Variants in KIAA2012 observed in about 807,000 individuals in gnomAD.
KIAA2012 encodes the protein uncharacterized protein KIAA2012.
A neutral mutation model predicts 150.6 loss-of-function variants in KIAA2012; 125 were observed. The observed-to-expected ratio is 0.83, with a 90% confidence interval of 0.72 to 0.96. The LOEUF is 0.96. Ranked by LOEUF, KIAA2012 falls within the 40% of genes least tolerant of loss-of-function variation. The pLI is 0.00. For missense variants in KIAA2012, 1,219 were observed against 1,354.9 expected (o/e 0.90, Z 1.57); for synonymous variants, 462 against 504.7 (o/e 0.92, Z 1.13).
intron 13 of KIAA2012, among the ~76,000 whole-genome samples, chr2:202,148,125 G>T (rs1691338668): frequency 6.6e-6 from 1 of 152,148 alleles, no homozygotes; most frequent in Non-Finnish European, 1.5e-5. Context: ...TATAGTAGAA[G>T]CTCTGGAATG....
intron 9 of KIAA2012, among the ~76,000 whole-genome samples, chr2:202,106,665 T>C: frequency 6.6e-6 from 1 of 151,962 alleles, no homozygotes; most frequent in African/African-American, 2.4e-5. Flanking sequence ...CCAGCCTGGG[T>C]GACAGAGCAA....
At chr2:202,127,085 G>A (rs1357690284) in intron 12 of KIAA2012, among the ~76,000 whole-genome samples, 1 of 149,782 alleles carries the variant, frequency 6.7e-6, no homozygotes, top group Non-Finnish European at 1.5e-5. Context: ...AACTTCTAGA[G>A]ATATCATAGG....
intron 5 of KIAA2012, among the ~76,000 whole-genome samples, chr2:202,098,828 G>A (rs991017738): frequency 1.3e-4 from 19 of 145,824 alleles, no homozygotes; most frequent in South Asian, 4.3e-4. Flanking sequence ...GTGCACGCGC[G>A]CGCGCGCGCA....
intron 15 of KIAA2012, among the ~76,000 whole-genome samples, chr2:202,173,861 A>T (rs2105731457): frequency 6.6e-6 from 1 of 152,340 alleles, no homozygotes; most frequent in South Asian, 2.1e-4. Flanking sequence ...AACTTATCAG[A>T]CTAAGAATAG....
chr2:202,125,859 G>A (rs1271668241), intron 12 of KIAA2012: 1 of 450,128 alleles, frequency 2.2e-6, no homozygotes, highest in Admixed American at 2.4e-5. Context: ...ACCAAGGGAA[G>A]GATGATGACC....
At chr2:202,093,333 G>GC in intron 4 of KIAA2012, 148 bp downstream of exon 4, 1 of 797,762 alleles carries the variant, frequency 1.3e-6, no homozygotes, top group Non-Finnish European at 2.0e-6. Context: ...GTGCAGACCA[G>GC]CACTGTCCAA....
Position 202,138,500 on chromosome 2 carries a change from G to C in KIAA2012, c.1900G>C (p.Glu634Gln), listed in dbSNP as rs1691130799. 1.9e-6 allele frequency: 3 copies of C among 1,549,466 alleles called. No homozygotes were observed. The highest frequency in any genetic ancestry group is 1.4e-5 in the African/African-American group (1 of 73,046). The part of the protein sequence containing the change: ...YETSPLTQTT[E>Q]KQGAQQSLEA... ...AACCTCACCGTTGACCCAAACAACA[G>C]AGAAGCAGGTATAGTATTGACTCTG... The change falls in exon 13 of 24, where the codon GAG (glutamate) becomes CAG (glutamine). Residue 634 changes from glutamate (E) to glutamine (Q), a missense_variant. Coordinates refer to ENST00000498697, the MANE Select transcript of KIAA2012 (RefSeq NM_001277372.4).
At chr2:202,132,331 G>A (rs929717141) in intron 12 of KIAA2012, among the ~76,000 whole-genome samples, 1 of 152,072 alleles carries the variant, frequency 6.6e-6, no homozygotes, top group African/African-American at 2.4e-5. Context: ...TAGGGACTGG[G>A]ACCCCAGATA....
At chr2:202,102,810 G>A in intron 7 of KIAA2012, 136 bp from the exon 8 acceptor site, 1 of 806,130 alleles carries the variant, frequency 1.2e-6, no homozygotes, top group East Asian at 2.7e-5. Context: ...TCAGATACCG[G>A]CTCCCAGCTG....
chr2:202,107,336 G>A (rs1023673101), intron 9 of KIAA2012, among the ~76,000 whole-genome samples: 1 of 152,138 alleles, frequency 6.6e-6, no homozygotes, highest in Admixed American at 6.5e-5. Context: ...TGATTATTGA[G>A]GCAGAGGCTT....
intron 10 of KIAA2012, among the ~76,000 whole-genome samples, chr2:202,111,272 G>A (rs559505202): frequency 3.3e-5 from 5 of 150,462 alleles, no homozygotes; most frequent in Admixed American, 1.3e-4. Context: ...TGAGGTGGGC[G>A]GATCACAAGG....
At chr2:202,200,039 T>C (rs1299160163) in intron 22 of KIAA2012, among the ~76,000 whole-genome samples, 1 of 148,726 alleles carries the variant, frequency 6.7e-6, no homozygotes, top group Non-Finnish European at 1.5e-5. Context: ...CAAGCGATTC[T>C]CCTGCCTCAG....
intron 13 of KIAA2012, among the ~76,000 whole-genome samples, chr2:202,153,727 G>A (rs1691472494): frequency 1.3e-5 from 2 of 152,192 alleles, no homozygotes; most frequent in Non-Finnish European, 2.9e-5. Flanking sequence ...GAATGGATGT[G>A]CACTCTTCAT....
chr2:202,095,854 C>T (rs1388200603), intron 4 of KIAA2012, among the ~76,000 whole-genome samples: 12 of 152,220 alleles, frequency 7.9e-5, no homozygotes, highest in South Asian at 2.1e-4. Context: ...TAGGTTGAGG[C>T]GGGTGGATCA....
chr2:202,144,767 G>T (rs148115031), intron 13 of KIAA2012, among the ~76,000 whole-genome samples: 1 of 152,124 alleles, frequency 6.6e-6, no homozygotes, highest in Admixed American at 6.5e-5. Flanking sequence ...CAAGGTGGGC[G>T]GATCACTTGA....
chr2:202,075,886 G>C (rs1226688292), intron 2 of KIAA2012, among the ~76,000 whole-genome samples: 4 of 152,204 alleles, frequency 2.6e-5, no homozygotes, highest in Non-Finnish European at 5.9e-5. Context: ...ACAAAATAAA[G>C]TCATTAGCTT....
At chr2:202,171,779 G>A (rs1691898261) in intron 15 of KIAA2012, among the ~76,000 whole-genome samples, 1 of 151,454 alleles carries the variant, frequency 6.6e-6, no homozygotes, top group African/African-American at 2.4e-5. Flanking sequence ...CTTTTTAATT[G>A]ATACTGTTTT....
intron 11 of KIAA2012, among the ~76,000 whole-genome samples, chr2:202,117,654 T>C (rs1005825780): frequency 2.6e-5 from 4 of 152,024 alleles, no homozygotes; most frequent in African/African-American, 9.7e-5. Context: ...AAAAGAGGAG[T>C]TGGTATTAGA....
chr2:202,122,127 A>G (rs1398487147), intron 11 of KIAA2012, among the ~76,000 whole-genome samples: 1 of 152,238 alleles, frequency 6.6e-6, no homozygotes, highest in Non-Finnish European at 1.5e-5. Context: ...AAGGCAGACC[A>G]GGGCCAGACC....
Sources: gnomAD v4.1 joint callset for allele counts (sites outside exome capture counted in the v4.1 genomes callset) on GRCh38, gnomAD v4.1.1 for gene constraint, MANE v1.5 for transcripts, NCBI Gene and HGNC (gene_info 2026-07-23, HGNC 2026-07-21) for gene names.